The following ADCY2 variants were observed in gnomAD, a reference collection of about 807,000 sequenced individuals.
ADCY2 encodes the protein adenylate cyclase 2, also known as adenylate cyclase type 2.
ADCY2 carries 31 observed loss-of-function variants against 125.2 expected under a neutral mutation model. The ratio of observed to expected loss-of-function variants is 0.25; its 90% CI spans 0.19 to 0.33. The LOEUF is 0.33. ADCY2 is among the 10% of genes least tolerant of loss of function. The pLI, the probability that ADCY2 is intolerant of heterozygous loss-of-function variation, is 1.00. For missense variants in ADCY2, 904 were observed against 1,418.2 expected, an observed-to-expected ratio of 0.64 and a Z score of 5.82; for synonymous variants, 512 against 548.4, an observed-to-expected ratio of 0.93 and a Z score of 0.93.
intron 2 of ADCY2, among the ~76,000 whole-genome samples, chr5:7,459,395 G>A (rs1398317443): frequency 2.6e-5 from 4 of 152,092 alleles, no homozygotes; most frequent in Non-Finnish European, 5.9e-5. Context: ...TTCTTTTCAC[G>A]GATGTGCACA....
intron 3 of ADCY2, among the ~76,000 whole-genome samples, chr5:7,618,110 A>G (rs1737824588): frequency 6.6e-6 from 1 of 152,160 alleles, no homozygotes; most frequent in Non-Finnish European, 1.5e-5. Context: ...GCAAGCTGTC[A>G]TTTCCTTACG....
At chr5:7,402,882 G>T (rs1382914422) in intron 1 of ADCY2, among the ~76,000 whole-genome samples, 1 of 152,154 alleles carries the variant, frequency 6.6e-6, no homozygotes, top group Non-Finnish European at 1.5e-5. Flanking sequence ...AATAAATCAG[G>T]TCTCTAGGGT....
chr5:7,427,265 C>T (rs1196057421), intron 2 of ADCY2, among the ~76,000 whole-genome samples: 1 of 152,122 alleles, frequency 6.6e-6, no homozygotes, highest in Non-Finnish European at 1.5e-5. Flanking sequence ...AATTAGGAGC[C>T]CACCTGTATT....
intron 2 of ADCY2, among the ~76,000 whole-genome samples, chr5:7,461,246 C>G (rs111236414): frequency 2.0e-5 from 3 of 152,266 alleles, no homozygotes; most frequent in African/African-American, 4.8e-5. Context: ...TTACATCTAT[C>G]AGGAAGGGAC....
chr5:7,639,114 G>A (rs1301099123), intron 4 of ADCY2, among the ~76,000 whole-genome samples: 1 of 152,118 alleles, frequency 6.6e-6, no homozygotes, highest in East Asian at 1.9e-4. Context: ...CCAGTCTCGG[G>A]TATGTGTTTA....
intron 2 of ADCY2, among the ~76,000 whole-genome samples, chr5:7,432,752 T>C (rs1246477281): frequency 6.6e-6 from 1 of 152,210 alleles, no homozygotes. Context: ...AAGCTGATTG[T>C]ACACAATGTT....
At chr5:7,574,449 C>G (rs1736179569) in intron 3 of ADCY2, among the ~76,000 whole-genome samples, 2 of 152,106 alleles carry the variant, frequency 1.3e-5, no homozygotes, top group South Asian at 4.2e-4. Context: ...CAGAAGATTC[C>G]TACAACAAGG....
chr5:7,401,116 G>A (rs758960980), intron 1 of ADCY2, among the ~76,000 whole-genome samples: 2 of 152,120 alleles, frequency 1.3e-5, no homozygotes, highest in Non-Finnish European at 2.9e-5. Context: ...AAAATGGCAT[G>A]GTACCTGCCT....
At chr5:7,434,044 T>C in intron 2 of ADCY2, among the ~76,000 whole-genome samples, 1 of 152,288 alleles carries the variant, frequency 6.6e-6, no homozygotes, top group East Asian at 1.9e-4. Context: ...GGAAATCTCC[T>C]CATGACGTCA....
At chr5:7,564,583 A>G (rs1397938482) in intron 3 of ADCY2, among the ~76,000 whole-genome samples, 1 of 152,054 alleles carries the variant, frequency 6.6e-6, no homozygotes, top group Non-Finnish European at 1.5e-5. Flanking sequence ...CCTGCCTGTG[A>G]TCTTCATAGT....
chr5:7,707,681 CTG>C, intron 8 of ADCY2, 23 bp from the exon 9 acceptor site: 1 of 1,610,852 alleles, frequency 6.2e-7, no homozygotes, highest in Non-Finnish European at 8.5e-7. Context: ...TATGTCTTGA[CTG>C]TGATTTTAAA....
At chr5:7,620,112 G>A (rs1737905983) in intron 3 of ADCY2, among the ~76,000 whole-genome samples, 1 of 152,182 alleles carries the variant, frequency 6.6e-6, no homozygotes, top group South Asian at 2.1e-4. Context: ...TTATTAGCCA[G>A]ACATGAGCCC....
rs573731199 is a variant in ADCY2 at position 7,495,532 on chromosome 5, A to G, written c.409-25206A>G. 7.2e-5 allele frequency among the ~76,000 whole-genome samples: 11 copies of G among 152,358 alleles called. No homozygotes were observed. In the East Asian group the frequency reaches 2.1e-3, roughly 29 times the overall value. On this transcript the variant is annotated intron_variant, in intron 2 of 24. Transcript: ENST00000338316. ...ATGAATCTAAATCTATTTGCAAAGG[A>G]GGATAGTTATTTTTGCACAAAATGA...
At position 7,436,713 on chromosome 5, in the gene ADCY2, C is replaced by T. The variant is rs1019619287; in HGVS notation, c.408+21943C>T. On this transcript the variant is annotated intron_variant, in intron 2 of 24. Coordinates refer to ENST00000338316, the MANE Select transcript of ADCY2 (RefSeq NM_020546.3). ...TGCCTGCAGGTGGCGGATCAGGTGA[C>T]GCATCATCGCGGCACTCTTGTGGGC... 2.0e-5 allele frequency among the ~76,000 whole-genome samples: 3 copies of T among 152,318 alleles called. No homozygotes were observed. In the East Asian group the frequency reaches 5.8e-4, roughly 29 times the overall value.
Position 7,765,875 on chromosome 5 carries a change from A to G in ADCY2, c.2095-812A>G, listed in dbSNP as rs890675801. Among the ~76,000 whole-genome samples the G allele has an allele frequency of 3.9e-5, 6 of 152,190 alleles. No individual in the cohort carries two copies. The East Asian group carries it at 1.2e-3, about 29-fold the overall frequency. ...CTCTGACCCTTAGCCACATGACAGA[A>G]AAGTGGCTGATCCGTGGGTATTTAG... On this transcript the variant is annotated intron_variant, in intron 16 of 24. Coordinates refer to ENST00000338316, the MANE Select transcript of ADCY2 (RefSeq NM_020546.3).
intron 16 of ADCY2, among the ~76,000 whole-genome samples, chr5:7,761,431 G>A (rs1243533525): frequency 6.6e-6 from 1 of 152,066 alleles, no homozygotes; most frequent in East Asian, 1.9e-4. Context: ...ACAGGTGTGG[G>A]CCACCATGCC....
chr5:7,707,568 A>C (rs1478541899), intron 8 of ADCY2, 138 bp from the exon 9 acceptor site: 1 of 1,005,738 alleles, frequency 9.9e-7, no homozygotes, highest in Non-Finnish European at 1.4e-6. Flanking sequence ...AGTGGTCAAT[A>C]GAATATAAAC....
At position 7,507,332 on chromosome 5, in the gene ADCY2, T is replaced by C. The variant is rs1249267270; in HGVS notation, c.409-13406T>C. ...GGCGGGCGCCTGTAGTCCCAGCTAC[T>C]TGGGAGGCTGAGGCAGGAGAATGGC... On this transcript the variant is annotated intron_variant, in intron 2 of 24. Transcript: ENST00000338316. Among the ~76,000 whole-genome samples, 47 of 136,586 alleles carry C rather than the reference T, an allele frequency of 3.4e-4. 1 individual carries two copies. Among genetic ancestry groups the C allele is most frequent in the Non-Finnish European group, 1.4e-4 (9 of 62,922 alleles). The allele number at this position is 136,586 out of a possible 152,430, so 89.6% of individuals were successfully genotyped here. A position where few individuals can be genotyped will look rare whatever the true frequency, so the allele number is the denominator to read the frequency against.
chr5:7,595,838 C>G (rs1275844524), intron 3 of ADCY2, among the ~76,000 whole-genome samples: 1 of 152,070 alleles, frequency 6.6e-6, no homozygotes, highest in African/African-American at 2.4e-5. Flanking sequence ...AGTTGGCATA[C>G]TCTATTGTTT....
Sources: gnomAD v4.1 joint callset for allele counts (sites outside exome capture counted in the v4.1 genomes callset) on GRCh38, gnomAD v4.1.1 for gene constraint, MANE v1.5 for transcripts, NCBI Gene and HGNC (gene_info 2026-07-23, HGNC 2026-07-21) for gene names.